The following FHIP1A variants were observed in gnomAD, a reference collection of about 807,000 sequenced individuals.
FHIP1A encodes FHF complex subunit HOOK-interacting protein 1A.
FHIP1A carries 61 observed loss-of-function variants against 88.6 expected under a neutral mutation model. The observed-to-expected ratio is 0.69, with a 90% CI of 0.56 to 0.85. The LOEUF (loss-of-function observed/expected upper bound fraction) is 0.85. Ranked by LOEUF, FHIP1A falls within the 40% of genes least tolerant of loss-of-function variation. The pLI, the probability that FHIP1A is intolerant of heterozygous loss-of-function variation, is 0.00. For missense variants in FHIP1A, 1,154 were observed against 1,273.5 expected (o/e 0.91, Z 1.43); for synonymous variants, 478 against 496.0 (o/e 0.96, Z 0.48).
chr4:151,616,192 A>G (rs983320561), intron 7 of FHIP1A, among the ~76,000 whole-genome samples: 5 of 152,226 alleles, frequency 3.3e-5, no homozygotes, highest in Non-Finnish European at 7.3e-5. Context: ...AAAAGTCAGT[A>G]TAGTTTAATT....
intron 2 of FHIP1A, among the ~76,000 whole-genome samples, chr4:151,473,609 C>T (rs925614544): frequency 1.3e-5 from 2 of 151,992 alleles, no homozygotes; most frequent in African/African-American, 4.8e-5. Context: ...TTTTATTTTA[C>T]CTCTCTCTGT....
intron 3 of FHIP1A, among the ~76,000 whole-genome samples, chr4:151,523,245 C>G (rs1731510881): frequency 6.6e-6 from 1 of 151,998 alleles, no homozygotes; most frequent in Non-Finnish European, 1.5e-5. Context: ...TTTTTTTGGG[C>G]TTAACATTGT....
intron 3 of FHIP1A, among the ~76,000 whole-genome samples, chr4:151,491,576 C>T (rs541060069): frequency 6.0e-5 from 9 of 151,136 alleles, no homozygotes; most frequent in African/African-American, 2.2e-4. Context: ...AACAATAACA[C>T]AATGAAAAAA....
intron 7 of FHIP1A, among the ~76,000 whole-genome samples, chr4:151,612,417 G>A (rs909656791): frequency 6.6e-6 from 1 of 152,188 alleles, no homozygotes; most frequent in Non-Finnish European, 1.5e-5. Flanking sequence ...GTCTCGCTCC[G>A]TTGCTCAGGC....
intron 11 of FHIP1A, among the ~76,000 whole-genome samples, chr4:151,655,655 T>C (rs1041126696): frequency 3.9e-5 from 6 of 152,184 alleles, no homozygotes; most frequent in East Asian, 1.9e-4. Flanking sequence ...TTGTTCCACA[T>C]TACGACACTT....
At chr4:151,527,408 C>T (rs1731716355) in intron 3 of FHIP1A, among the ~76,000 whole-genome samples, 1 of 152,190 alleles carries the variant, frequency 6.6e-6, no homozygotes, top group South Asian at 2.1e-4. Flanking sequence ...CCTGCAGTCG[C>T]AGGCACTCGG....
At position 151,663,924 on chromosome 4, in the gene FHIP1A, G is replaced by A. The variant is rs913006123; in HGVS notation, c.*1170G>A. ...GTTCATTAGAAGGCCCCAACGTGCT[G>A]TATGAGCGTCCCTCTGCTGCTTTGC... is the stretch of plus-strand genomic sequence containing the variant. On this transcript the variant is annotated 3_prime_UTR_variant, in exon 14 of 14. Coordinates refer to ENST00000435205, the MANE Select transcript of FHIP1A (RefSeq NM_001109977.3). Among the ~76,000 whole-genome samples, 1 of 152,172 alleles carries A rather than the reference G, an allele frequency of 6.6e-6. No individual in the cohort carries two copies.
chr4:151,555,587 G>T (rs1296504259), intron 3 of FHIP1A, among the ~76,000 whole-genome samples: 3 of 152,054 alleles, frequency 2.0e-5, no homozygotes, highest in Non-Finnish European at 4.4e-5. Context: ...CCTTGAAGGG[G>T]AGGAAAAACT....
chr4:151,458,942 A>G (rs1309139085), intron 2 of FHIP1A, among the ~76,000 whole-genome samples: 1 of 152,156 alleles, frequency 6.6e-6, no homozygotes, highest in Non-Finnish European at 1.5e-5. Context: ...TATTGAACCA[A>G]CCAGCACCAC....
At chr4:151,514,781 A>G (rs1381943401) in intron 3 of FHIP1A, among the ~76,000 whole-genome samples, 4 of 152,144 alleles carry the variant, frequency 2.6e-5, no homozygotes, top group Non-Finnish European at 4.4e-5. Context: ...GAATAGACCA[A>G]TAACAGGCTC....
At chr4:151,646,422 G>A in intron 9 of FHIP1A, 136 bp from the exon 10 acceptor site, 1 of 598,542 alleles carries the variant, frequency 1.7e-6, no homozygotes. Context: ...CTGGTGGCTG[G>A]TGAGATGATC....
At chr4:151,585,686 A>G (rs1734184848) in intron 5 of FHIP1A, among the ~76,000 whole-genome samples, 2 of 152,170 alleles carry the variant, frequency 1.3e-5, no homozygotes, top group African/African-American at 2.4e-5. Context: ...ATCTTCCTAC[A>G]TTTCTGTCTC....
intron 3 of FHIP1A, among the ~76,000 whole-genome samples, chr4:151,488,198 T>A (rs937111911): frequency 6.6e-6 from 1 of 152,228 alleles, no homozygotes; most frequent in Non-Finnish European, 1.5e-5. Context: ...GCTTTTCTTT[T>A]ATCCATATGT....
chr4:151,411,320 T>A (rs1215707892), intron 1 of FHIP1A, among the ~76,000 whole-genome samples: 1 of 143,896 alleles, frequency 6.9e-6, no homozygotes, highest in East Asian at 2.0e-4. Flanking sequence ...AAAACAAGAA[T>A]TGCCTCTGAG....
At chr4:151,559,168 C>G (rs191361494) in intron 3 of FHIP1A, among the ~76,000 whole-genome samples, 3 of 152,184 alleles carry the variant, frequency 2.0e-5, no homozygotes, top group African/African-American at 7.2e-5. Flanking sequence ...TCATACCCAT[C>G]AGGCTATACT....
At chr4:151,415,861 A>G (rs1732871362) in intron 1 of FHIP1A, among the ~76,000 whole-genome samples, 1 of 151,956 alleles carries the variant, frequency 6.6e-6, no homozygotes, top group Non-Finnish European at 1.5e-5. Flanking sequence ...GTTTTCCCCA[A>G]GAGAAGATAG....
At chr4:151,575,960 A>G (rs1733773616) in intron 4 of FHIP1A, among the ~76,000 whole-genome samples, 1 of 152,216 alleles carries the variant, frequency 6.6e-6, no homozygotes, top group African/African-American at 2.4e-5. Context: ...GATTCCATGC[A>G]ATTCAGAAAG....
chr4:151,623,270 G>C (rs866948060), intron 7 of FHIP1A, among the ~76,000 whole-genome samples: 5 of 152,244 alleles, frequency 3.3e-5, no homozygotes, highest in Admixed American at 1.3e-4. Flanking sequence ...GAGTTTCTGT[G>C]TCCCCTCTTA....
At chr4:151,474,967 A>G (rs1041769595) in intron 2 of FHIP1A, among the ~76,000 whole-genome samples, 2 of 152,204 alleles carry the variant, frequency 1.3e-5, no homozygotes, top group African/African-American at 4.8e-5. Flanking sequence ...CTTGTGCTTT[A>G]GAATTCATAA....
Sources: allele counts gnomAD v4.1 joint callset (sites outside exome capture counted in the v4.1 genomes callset), GRCh38; gene constraint gnomAD v4.1.1; transcripts MANE v1.5; gene names NCBI Gene and HGNC (gene_info 2026-07-23, HGNC 2026-07-21).